KIAA1210: variants seen among roughly 807,000 people sequenced by gnomAD.
KIAA1210 encodes the protein acrosomal protein KIAA1210.
KIAA1210 carries 48 observed loss-of-function variants against 78.9 expected under a neutral mutation model. The ratio of observed to expected loss-of-function variants is 0.61; its 90% CI spans 0.48 to 0.77. The LOEUF (loss-of-function observed/expected upper bound fraction) is 0.77. Among genes scored for constraint, KIAA1210 ranks in the 30% least tolerant of loss-of-function variants. The pLI is 0.00. For synonymous variants in KIAA1210, 406 were observed against 404.5 expected, an observed-to-expected ratio of 1.00 and a Z score of -0.04; for missense variants, 1,108 against 1,100.0, an observed-to-expected ratio of 1.01 and a Z score of -0.10.
intron 11 of KIAA1210, among the ~76,000 whole-genome samples, chrX:119,082,260 G>C (rs1323994741): frequency 4.4e-5 from 5 of 112,418 alleles, no homozygotes; most frequent in African/African-American, 1.6e-4. Flanking sequence ...TGACAGTTGT[G>C]ATTCACTTGA....
chrX:119,083,998 CAAAAAAAAAAA>C (rs751363845), intron 10 of KIAA1210, among the ~76,000 whole-genome samples: 2 of 16,955 alleles, frequency 1.2e-4, no homozygotes, highest in Non-Finnish European at 2.4e-4. Context: ...GAACCTGTCT[CAAAAAAAAAAA>C]AAAAAAAAAA....
At chrX:119,124,472 T>C (rs1179709224) in intron 1 of KIAA1210, among the ~76,000 whole-genome samples, 1 of 112,359 alleles carries the variant, frequency 8.9e-6, no homozygotes, top group African/African-American at 3.2e-5. Context: ...TGATCTATTG[T>C]TTTGTGGGTT....
At chrX:119,148,767 C>T in intron 1 of KIAA1210, among the ~76,000 whole-genome samples, 1 of 111,342 alleles carries the variant, frequency 9.0e-6, no homozygotes, top group Non-Finnish European at 1.9e-5. Flanking sequence ...GGAGTCAAGG[C>T]CCACAAGAAT....
chrX:119,110,612 A>C (rs1389690354), intron 3 of KIAA1210, among the ~76,000 whole-genome samples: 1 of 112,133 alleles, frequency 8.9e-6, no homozygotes, highest in Non-Finnish European at 1.9e-5. Context: ...ATATGAATTC[A>C]TCAAAGTTGA....
At chrX:119,099,891 C>G (rs1927680386) in intron 6 of KIAA1210, among the ~76,000 whole-genome samples, 1 of 111,725 alleles carries the variant, frequency 9.0e-6, no homozygotes, top group Non-Finnish European at 1.9e-5. Flanking sequence ...GAGAACGGCT[C>G]CCATTTTCAA....
chrX:119,087,805 G>T lies in KIAA1210; in HGVS notation c.2897C>A (p.Ala966Asp). The T allele has an allele frequency of 8.3e-7, 1 of 1,211,626 alleles. No homozygotes were observed. Among genetic ancestry groups the T allele is most frequent in the Non-Finnish European group, 1.1e-6 (1 of 895,420 alleles). Residue 966 changes from alanine (A) to aspartate (D), a missense_variant, in exon 9 of 12, where the codon GCT becomes GAT. Around this residue, in one of 5 missense-constraint regions of KIAA1210, gnomAD observed 179 missense variants for 174.1 expected, o/e 1.03. Coordinates refer to ENST00000691062, the MANE Select transcript of KIAA1210 (RefSeq NM_001394962.1). ...VQQLSSNFER[A>D]AIEADISGSP... Reference sequence around the variant, plus strand: ...CCCAGAAATGTCTGCCTCAATAGCAGCCCGCTCGAAATTTGAGGACAGTTG... The same window carrying T: ...CCCAGAAATGTCTGCCTCAATAGCATCCCGCTCGAAATTTGAGGACAGTTG...
chrX:119,119,512 T>C (rs749385522), intron 2 of KIAA1210, among the ~76,000 whole-genome samples: 1 of 112,057 alleles, frequency 8.9e-6, no homozygotes, highest in Non-Finnish European at 1.9e-5. Context: ...CAAGATCCCT[T>C]TTAAAAGTGT....
intron 2 of KIAA1210, among the ~76,000 whole-genome samples, chrX:119,133,708 C>G (rs1266604129): frequency 9.6e-6 from 1 of 104,320 alleles, no homozygotes; most frequent in Non-Finnish European, 2.0e-5. Flanking sequence ...CTCGCTCTGT[C>G]GCCAGGCTGG....
chrX:119,083,008 C>A lies in KIAA1210; in HGVS notation c.4426+7G>T, dbSNP rs1176131036. 2 of 1,170,258 alleles carry A rather than the reference C, an allele frequency of 1.7e-6. No homozygotes were observed. The highest frequency in any genetic ancestry group is 1.9e-5 in the South Asian group (1 of 53,275). On this transcript the variant is annotated splice_region_variant and intron_variant, in intron 11 of 11. Transcript: ENST00000691062. ...GTTTTTTGAGAGGTCAGAATGTATG[C>A]TTTTACCTGATTTTGTAGGCTTAGG...
At chrX:119,118,681 C>A (rs1928352962) in intron 2 of KIAA1210, among the ~76,000 whole-genome samples, 1 of 112,278 alleles carries the variant, frequency 8.9e-6, no homozygotes, top group African/African-American at 3.2e-5. Flanking sequence ...AGTCCAGTTT[C>A]CCACCAATCA....
chrX:119,105,121 G>A lies in KIAA1210; in HGVS notation c.519C>T (p.Leu173=), dbSNP rs1359553479. Residue 173 remains leucine, a synonymous_variant, in exon 6 of 12, where the codon CTC becomes CTT. Transcript: ENST00000691062. ...GTTGGATAACAGGTGGGATGATGCT[G>A]AGTCGGCGTCGGCGCGATGGTGGGT... ...TENPPSRRRR[L]SIIPPVIQPE... is the part of the protein sequence containing the mutation. 8.3e-7 allele frequency: 1 copy of A among 1,208,403 alleles called. No homozygotes were observed. Among genetic ancestry groups the A allele is most frequent in the Admixed American group, 2.2e-5 (1 of 45,563 alleles).
At chrX:119,147,295 G>A (rs1030068311) in intron 2 of KIAA1210, among the ~76,000 whole-genome samples, 1 of 111,635 alleles carries the variant, frequency 9.0e-6, no homozygotes, top group African/African-American at 3.3e-5. Flanking sequence ...CAGAATACCA[G>A]CAACTGGACC....
intron 2 of KIAA1210, among the ~76,000 whole-genome samples, chrX:119,138,701 T>C (rs1315502002): frequency 9.0e-6 from 1 of 110,702 alleles, no homozygotes; most frequent in East Asian, 2.8e-4. Flanking sequence ...CTTCCTAGAG[T>C]GTACTACCTG....
In KIAA1210 at chrX:119,086,765, AC is replaced by A. The variant is rs1716887570; in HGVS notation, c.3936del (p.Lys1312AsnfsTer25). The A allele has an allele frequency of 8.3e-7, 1 of 1,210,437 alleles. No homozygotes were observed. The highest frequency in any genetic ancestry group is 1.7e-5 in the African/African-American group (1 of 57,586). On this transcript the variant is annotated frameshift_variant, in exon 9 of 12. Transcript: ENST00000691062. LOFTEE classifies it high-confidence loss of function. ...VRLKRAPPSQ[K>X]YKSEKQDNFT... Reference sequence around the variant, plus strand: ...AAGTTATCTTGTTTCTCACTCTTATACTTCTGCGAGGGAGGGGCTCTTTTCA... The same window carrying A: ...AAGTTATCTTGTTTCTCACTCTTATATTCTGCGAGGGAGGGGCTCTTTTCA...
intron 3 of KIAA1210, among the ~76,000 whole-genome samples, chrX:119,112,345 T>C (rs753725191): frequency 9.0e-5 from 10 of 111,452 alleles, no homozygotes; most frequent in Non-Finnish European, 1.5e-4. Context: ...GAAGAATATA[T>C]TTGCAAATTA....
rs190761591 is a variant in KIAA1210, at chrX:119,087,443, G to C, written c.3259C>G (p.Gln1087Glu). 363 of 1,208,544 alleles carry C rather than the reference G, an allele frequency of 3.0e-4. 2 individuals are homozygous for C. The highest frequency in any genetic ancestry group is 2.3e-4 in the Middle Eastern group (1 of 4,346). ...GGGTCTTCAGGCCTCCCCAAGGACT[G>C]TAAAGGGTGCTTCATAGGTAGCATC... is the stretch of plus-strand genomic sequence containing the variant. Reference protein sequence around the residue: ...SKMLPMKHPLQSLGRPEDPQK... With the variant: ...SKMLPMKHPLESLGRPEDPQK... The change falls in exon 9 of 12, where the codon CAG becomes GAG. Residue 1087 changes from glutamine (Q) to glutamate (E), a missense_variant. By Grantham distance (29) the Gln-to-Glu change is conservative (BLOSUM62 2). Transcript: ENST00000691062.
intron 5 of KIAA1210, 79 bp downstream of exon 5, chrX:119,108,258 A>G (rs751960364): frequency 2.6e-5 from 26 of 987,543 alleles, no homozygotes; most frequent in Non-Finnish European, 3.6e-5. Flanking sequence ...ACAGCCAGTA[A>G]GTAGCAGAGT....
intron 10 of KIAA1210, among the ~76,000 whole-genome samples, chrX:119,084,326 C>T (rs988993949): frequency 9.0e-6 from 1 of 111,459 alleles, no homozygotes; most frequent in Non-Finnish European, 1.9e-5. Flanking sequence ...TTATAACTTA[C>T]AGGTAGGTGC....
rs757368554 is a variant in KIAA1210 at position 119,087,713 on chromosome X, G to A, written c.2989C>T (p.Arg997Ter). 4.1e-6 allele frequency: 5 copies of A among 1,211,512 alleles called. No individual in the cohort carries two copies. The highest frequency in any genetic ancestry group is 1.7e-5 in the African/African-American group (1 of 57,799). ...KRSKVQEMTS[R>*]LEKMAVEGTS... Reference sequence around the variant, plus strand: ...CCTTCAACAGCCATTTTCTCTAGTCGTGAGGTCATTTCCTGAACTTTAGAC... The same window carrying A: ...CCTTCAACAGCCATTTTCTCTAGTCATGAGGTCATTTCCTGAACTTTAGAC... The change falls in exon 9 of 12, where the codon CGA (arginine) becomes TGA (stop). Residue 997 changes from arginine (R) to a stop codon, truncating the protein, a stop_gained. Transcript: ENST00000691062. LOFTEE classifies it high-confidence loss of function.
Sources: gnomAD v4.1 joint callset for allele counts (sites outside exome capture counted in the v4.1 genomes callset) on GRCh38, gnomAD v4.1.1 for gene constraint, gnomAD v4.1.1 regional missense constraint, MANE v1.5 for transcripts, NCBI Gene and HGNC (gene_info 2026-07-23, HGNC 2026-07-21) for gene names.